CLIP4: variants seen among roughly 807,000 people sequenced by gnomAD.
CLIP4 encodes CAP-Gly domain-containing linker protein 4.
CLIP4 carries 47 observed loss-of-function variants against 73.1 expected under a neutral mutation model. The observed-to-expected ratio is 0.64, with a 90% CI of 0.51 to 0.82. The LOEUF is 0.82. Ranked by LOEUF, CLIP4 falls within the 40% of genes least tolerant of loss-of-function variation. The probability of loss-of-function intolerance (pLI) is 0.00; values close to 1 mark genes in which losing one functional copy is unlikely to be tolerated. For missense variants in CLIP4, 874 were observed against 852.9 expected (o/e 1.02, Z -0.31); for synonymous variants, 306 against 295.4 (o/e 1.04, Z -0.37).
intron 13 of CLIP4, among the ~76,000 whole-genome samples, chr2:29,166,910 G>T (rs1401699740): frequency 1.3e-5 from 2 of 152,146 alleles, no homozygotes; most frequent in African/African-American, 4.8e-5. Context: ...GAAAGAAAAT[G>T]AGCCTGTCAG....
At chr2:29,176,703 G>A (rs1004405174) in intron 15 of CLIP4, among the ~76,000 whole-genome samples, 4 of 152,108 alleles carry the variant, frequency 2.6e-5, no homozygotes, top group African/African-American at 9.7e-5. Flanking sequence ...TTCACTCTGC[G>A]GATGTGTACA....
At chr2:29,131,454 T>C (rs1288256654) in intron 3 of CLIP4, 57 bp downstream of exon 3, 22 of 1,518,120 alleles carry the variant, frequency 1.4e-5, no homozygotes, top group Non-Finnish European at 1.9e-5. Flanking sequence ...TGGTATAGAT[T>C]TTTTTCCCCA....
At position 29,167,471 on chromosome 2, in the gene CLIP4, C is replaced by T. The variant is rs1435235846; in HGVS notation, c.1659-5C>T. On this transcript the variant is annotated splice_region_variant and splice_polypyrimidine_tract_variant and intron_variant, in intron 13 of 15. Transcript: ENST00000320081. Reference sequence around the variant, plus strand: ...CTAACGAGATGTCCTTTGTTTTATTCATAGAGTAACAGATTCCCTGGATAC... The same window carrying T: ...CTAACGAGATGTCCTTTGTTTTATTTATAGAGTAACAGATTCCCTGGATAC... 2 of 1,595,416 alleles carry T rather than the reference C, an allele frequency of 1.3e-6. No individual in the cohort carries two copies. The highest frequency in any genetic ancestry group is 1.7e-6 in the Non-Finnish European group (2 of 1,171,160).
intron 15 of CLIP4, among the ~76,000 whole-genome samples, chr2:29,175,918 C>A (rs1484055869): frequency 6.6e-6 from 1 of 152,068 alleles, no homozygotes; most frequent in African/African-American, 2.4e-5. Context: ...CCCGCCACCA[C>A]ACCCGGCTAA....
chr2:29,177,585 A>G (rs1349170105), intron 15 of CLIP4, among the ~76,000 whole-genome samples: 1 of 151,994 alleles, frequency 6.6e-6, no homozygotes, highest in African/African-American at 2.4e-5. Context: ...TTTCAAAAAA[A>G]AAAAGTAATA....
chr2:29,145,455 C>G, intron 8 of CLIP4, 88 bp downstream of exon 8: 2 of 1,126,804 alleles, frequency 1.8e-6, no homozygotes, highest in East Asian at 5.0e-5. Context: ...AACTTTTCTC[C>G]TGATTTCTTA....
At chr2:29,139,471 G>A (rs1400039378) in intron 6 of CLIP4, among the ~76,000 whole-genome samples, 2 of 152,094 alleles carry the variant, frequency 1.3e-5, no homozygotes, top group African/African-American at 2.4e-5. Context: ...GCCAGATTTT[G>A]GTATCAAGAT....
intron 8 of CLIP4, among the ~76,000 whole-genome samples, chr2:29,150,619 A>G (rs963017197): frequency 2.7e-5 from 4 of 149,908 alleles, no homozygotes; most frequent in East Asian, 3.9e-4. Context: ...AATCAAATAC[A>G]TAACTTAATT....
At position 29,153,377 on chromosome 2, in the gene CLIP4, A is replaced by G. The variant is rs563963785; in HGVS notation, c.1165+549A>G. ...CTCCCTTCATACTTTGTCTCATGCT[A>G]TTTATCTGTGTGCAGTAATTTGACT... is the stretch of plus-strand genomic sequence containing the variant. On this transcript the variant is annotated intron_variant, in intron 9 of 15. Coordinates refer to ENST00000320081, the MANE Select transcript of CLIP4 (RefSeq NM_024692.6). Among the ~76,000 whole-genome samples, 22 of 152,038 alleles carry G rather than the reference A, an allele frequency of 1.4e-4. No individual in the cohort carries two copies. In the South Asian group the frequency reaches 2.7e-3, roughly 19 times the overall value.
At chr2:29,162,937 T>C (rs920233873) in intron 12 of CLIP4, among the ~76,000 whole-genome samples, 2 of 152,154 alleles carry the variant, frequency 1.3e-5, no homozygotes, top group South Asian at 2.1e-4. Context: ...TTTCTTGATA[T>C]CTATCTCCTG....
chr2:29,130,928 T>C (rs1011352918), intron 2 of CLIP4: 153 of 1,268,116 alleles, frequency 1.2e-4, no homozygotes, highest in Non-Finnish European at 1.5e-4. Context: ...GGAAAGAAGA[T>C]AGACTTTGGA....
At chr2:29,123,952 A>G (rs895763585) in intron 2 of CLIP4, among the ~76,000 whole-genome samples, 3 of 152,246 alleles carry the variant, frequency 2.0e-5, no homozygotes, top group African/African-American at 7.2e-5. Context: ...GAATCAGTTC[A>G]TGCAGAATAC....
intron 9 of CLIP4, among the ~76,000 whole-genome samples, chr2:29,154,172 TG>T (rs1400406839): frequency 6.6e-6 from 1 of 152,188 alleles, no homozygotes; most frequent in Non-Finnish European, 1.5e-5. Flanking sequence ...CCATACTTTT[TG>T]GTGGCATTAT....
At chr2:29,161,496 A>G (rs1481772869) in intron 12 of CLIP4, among the ~76,000 whole-genome samples, 2 of 152,196 alleles carry the variant, frequency 1.3e-5, no homozygotes, top group Non-Finnish European at 2.9e-5. Flanking sequence ...TTGCAAGCTA[A>G]CAAATTCGCC....
chr2:29,125,269 T>C (rs1664521942), intron 2 of CLIP4, among the ~76,000 whole-genome samples: 1 of 152,202 alleles, frequency 6.6e-6, no homozygotes, highest in South Asian at 2.1e-4. Flanking sequence ...GTGTGAATTA[T>C]GAGGATTCTT....
chr2:29,150,780 T>G (rs1410818995), intron 8 of CLIP4, among the ~76,000 whole-genome samples: 2 of 151,218 alleles, frequency 1.3e-5, no homozygotes, highest in Non-Finnish European at 2.9e-5. Context: ...CCACCGTGCC[T>G]GGCTAAATTT....
Position 29,156,427 on chromosome 2 carries a change from T to G in CLIP4, c.1239T>G (p.Thr413=). Residue 413 remains threonine, a synonymous_variant, in exon 10 of 16, where the codon ACT becomes ACG. Coordinates refer to ENST00000320081, the MANE Select transcript of CLIP4 (RefSeq NM_024692.6). ...LSLPPGEELK[T]VTEKDVALLG... ...TGCCTCCTGGTGAAGAACTTAAAAC[T>G]GTGACAGAGAAAGATGGTAATATAC... 1 of 1,577,172 alleles carries G rather than the reference T, an allele frequency of 6.3e-7. No homozygotes were observed. Among genetic ancestry groups the G allele is most frequent in the Non-Finnish European group, 8.5e-7 (1 of 1,169,606 alleles).
intron 15 of CLIP4, among the ~76,000 whole-genome samples, chr2:29,175,918 C>T (rs1484055869): frequency 1.3e-5 from 2 of 152,066 alleles, no homozygotes; most frequent in Non-Finnish European, 2.9e-5. Flanking sequence ...CCCGCCACCA[C>T]ACCCGGCTAA....
intron 1 of CLIP4, among the ~76,000 whole-genome samples, chr2:29,103,863 G>A (rs769742518): frequency 2.6e-5 from 4 of 151,924 alleles, no homozygotes; most frequent in Non-Finnish European, 5.9e-5. Flanking sequence ...ACAGGTGCCC[G>A]CCACCATGCC....
Sources: allele counts gnomAD v4.1 joint callset (sites outside exome capture counted in the v4.1 genomes callset), GRCh38; gene constraint gnomAD v4.1.1; transcripts MANE v1.5; gene names NCBI Gene and HGNC (gene_info 2026-07-23, HGNC 2026-07-21).